RIT2: variants seen among roughly 807,000 people sequenced by gnomAD.
The protein encoded by RIT2 is Ras like without CAAX 2.
In RIT2, 24 loss-of-function variants were observed where a neutral mutation model predicts 23.7. The ratio of observed to expected loss-of-function variants is 1.01; its 90% CI spans 0.73 to 1.43. RIT2 has a LOEUF of 1.43. Ranked by LOEUF, RIT2 falls within the 40% of genes most tolerant of loss-of-function variation. The pLI is 0.00. For missense variants in RIT2, 236 were observed against 266.9 expected (o/e 0.88, Z 0.81); for synonymous variants, 107 against 91.1 (o/e 1.17, Z -0.99).
chr18:42,918,980 A>C (rs1250934482), intron 4 of RIT2, among the ~76,000 whole-genome samples: 1 of 152,118 alleles, frequency 6.6e-6, no homozygotes, highest in Non-Finnish European at 1.5e-5. Flanking sequence ...TGCACCTATG[A>C]ATTGTGCTAT....
At chr18:43,074,551 C>T (rs539499052) in intron 1 of RIT2, among the ~76,000 whole-genome samples, 7 of 152,262 alleles carry the variant, frequency 4.6e-5, no homozygotes, top group Non-Finnish European at 5.9e-5. Context: ...GTGCATTACC[C>T]CTTATTTTTG....
chr18:42,868,988 GA>G (rs1465235201), intron 4 of RIT2, among the ~76,000 whole-genome samples: 4 of 152,162 alleles, frequency 2.6e-5, no homozygotes, highest in Non-Finnish European at 2.9e-5. Flanking sequence ...TACATGGCTG[GA>G]AGCTCCAGTT....
chr18:43,023,656 C>A (rs1376959837), intron 2 of RIT2, among the ~76,000 whole-genome samples: 1 of 152,054 alleles, frequency 6.6e-6, no homozygotes, highest in Admixed American at 6.6e-5. Flanking sequence ...ATTCACTCAA[C>A]AATTTATTGA....
At chr18:43,085,097 C>T (rs943590989) in intron 1 of RIT2, among the ~76,000 whole-genome samples, 1 of 151,596 alleles carries the variant, frequency 6.6e-6, no homozygotes, top group African/African-American at 2.4e-5. Context: ...GCTGTAGTGG[C>T]TTTGCAGAAT....
chr18:42,872,915 T>C (rs538886977), intron 4 of RIT2, among the ~76,000 whole-genome samples: 1 of 152,260 alleles, frequency 6.6e-6, no homozygotes, highest in South Asian at 2.1e-4. Flanking sequence ...CACAATCCAA[T>C]GTTGTTTGTA....
intron 1 of RIT2, among the ~76,000 whole-genome samples, chr18:43,076,322 C>A (rs1415295206): frequency 6.6e-6 from 1 of 152,156 alleles, no homozygotes; most frequent in East Asian, 1.9e-4. Context: ...AGCTGCATAA[C>A]TACAGTATTC....
At chr18:43,080,803 G>T (rs187576025) in intron 1 of RIT2, among the ~76,000 whole-genome samples, 419 of 152,250 alleles carry the variant, frequency 2.8e-3, no homozygotes, top group Admixed American at 3.5e-3. Flanking sequence ...CCACTCACTT[G>T]CTCTAAGAAC....
intron 4 of RIT2, among the ~76,000 whole-genome samples, chr18:42,824,770 T>A (rs1906248387): frequency 6.6e-6 from 1 of 151,690 alleles, no homozygotes; most frequent in Non-Finnish European, 1.5e-5. Context: ...TGTGTGTGTG[T>A]GTGTGTGTGT....
chr18:42,938,954 C>A (rs188943190), intron 3 of RIT2, among the ~76,000 whole-genome samples: 1 of 152,170 alleles, frequency 6.6e-6, no homozygotes, highest in East Asian at 1.9e-4. Flanking sequence ...CTATGTTACC[C>A]AAGCTGGTCT....
intron 3 of RIT2, among the ~76,000 whole-genome samples, chr18:42,938,954 C>G (rs188943190): frequency 3.3e-5 from 5 of 152,170 alleles, no homozygotes; most frequent in Admixed American, 2.6e-4. Flanking sequence ...CTATGTTACC[C>G]AAGCTGGTCT....
intron 1 of RIT2, among the ~76,000 whole-genome samples, chr18:43,101,681 T>C (rs1239890952): frequency 1.3e-5 from 2 of 152,182 alleles, no homozygotes; most frequent in African/African-American, 2.4e-5. Context: ...TCAGAAAATA[T>C]ATAAATAAGC....
chr18:43,092,999 G>A (rs4588066), intron 1 of RIT2, among the ~76,000 whole-genome samples: 49,758 of 151,832 alleles, frequency 0.33, 8,190 homozygotes, highest in East Asian at 0.38. Context: ...TATGTAAGCA[G>A]GGTTATAATT....
At chr18:42,975,754 C>G (rs1910464334) in intron 2 of RIT2, among the ~76,000 whole-genome samples, 1 of 151,946 alleles carries the variant, frequency 6.6e-6, no homozygotes, top group Non-Finnish European at 1.5e-5. Flanking sequence ...GCCTAGATTC[C>G]CAAACTCCCA....
At chr18:43,112,528 C>G (rs886938616) in intron 1 of RIT2, among the ~76,000 whole-genome samples, 6 of 152,094 alleles carry the variant, frequency 3.9e-5, no homozygotes, top group African/African-American at 1.4e-4. Flanking sequence ...TATTTTAAAT[C>G]TTGTGGGAAT....
chr18:43,084,167 A>G (rs1032608920), intron 1 of RIT2, among the ~76,000 whole-genome samples: 1 of 152,242 alleles, frequency 6.6e-6, no homozygotes, highest in African/African-American at 2.4e-5. Flanking sequence ...GAGAAATGCA[A>G]ATCAAAACCA....
At chr18:42,977,702 C>A (rs1910506749) in intron 2 of RIT2, among the ~76,000 whole-genome samples, 1 of 151,242 alleles carries the variant, frequency 6.6e-6, no homozygotes, top group African/African-American at 2.4e-5. Context: ...CACATATATA[C>A]AATGGGATGT....
chr18:43,086,630 G>A (rs940730847), intron 1 of RIT2, among the ~76,000 whole-genome samples: 1 of 152,092 alleles, frequency 6.6e-6, no homozygotes, highest in Admixed American at 6.6e-5. Flanking sequence ...CTCCACAAAA[G>A]GCACTGCACG....
chr18:42,780,776 A>G (rs564750152), intron 4 of RIT2, among the ~76,000 whole-genome samples: 2 of 149,962 alleles, frequency 1.3e-5, no homozygotes, highest in African/African-American at 4.9e-5. Context: ...GTAATGCGCC[A>G]TGTCTGACTC....
chr18:42,780,046 G>T (rs1913770459), intron 4 of RIT2, among the ~76,000 whole-genome samples: 5 of 50,592 alleles, frequency 9.9e-5, no homozygotes, highest in Non-Finnish European at 2.4e-4. Context: ...TCAATTTAGA[G>T]GTTTTTTTTT....
Sources: allele counts gnomAD v4.1 joint callset (sites outside exome capture counted in the v4.1 genomes callset), GRCh38; gene constraint gnomAD v4.1.1; transcripts MANE v1.5; gene names NCBI Gene and HGNC (gene_info 2026-07-23, HGNC 2026-07-21).